Variants in CCDC148 observed in about 807,000 individuals in gnomAD.
CCDC148 encodes coiled-coil domain-containing protein 148.
Under a neutral mutation model 85.7 loss-of-function variants are expected in CCDC148, and 89 were observed. The observed-to-expected ratio is 1.04, with a 90% CI of 0.87 to 1.24. The LOEUF is 1.24. CCDC148 is among the 50% of genes most tolerant of loss of function. CCDC148 has a pLI of 0.00. For missense variants in CCDC148, 692 were observed against 671.7 expected (o/e 1.03, Z -0.33); for synonymous variants, 230 against 213.9 (o/e 1.08, Z -0.66).
intron 9 of CCDC148, among the ~76,000 whole-genome samples, chr2:158,255,659 T>C (rs1422154129): frequency 6.6e-6 from 1 of 151,674 alleles, no homozygotes; most frequent in African/African-American, 2.4e-5. Context: ...AAAGGAAGAA[T>C]AGCACAGAAG....
chr2:158,331,004 T>A (rs536615056), intron 7 of CCDC148, among the ~76,000 whole-genome samples: 2 of 152,286 alleles, frequency 1.3e-5, no homozygotes, highest in East Asian at 3.9e-4. Flanking sequence ...CTGTCTCTAT[T>A]TCCTTCAGTT....
intron 1 of CCDC148, among the ~76,000 whole-genome samples, chr2:158,448,345 ATTTT>A (rs145406168): frequency 1.4e-5 from 2 of 147,750 alleles, no homozygotes; most frequent in South Asian, 4.3e-4. Context: ...TTTCCATTTT[ATTTT>A]TTTTTTATTT....
In CCDC148 at chr2:158,340,785, T is replaced by C. The variant is rs112389708; in HGVS notation, c.252-105A>G. ...TAGTCTAATATGGCTTTGTCATCTG[T>C]TCATTTAAACCATGTACTAAATTCC... On this transcript the variant is annotated intron_variant, in intron 3 of 13. Coordinates refer to ENST00000283233, the MANE Select transcript of CCDC148 (RefSeq NM_138803.4). 734 of 687,892 alleles carry C rather than the reference T, an allele frequency of 1.1e-3. 3 individuals are homozygous for C. The African/African-American group carries it at 0.012, about 11-fold the overall frequency. The allele number at this position is 687,892 out of a possible 1,614,324, so 42.6% of individuals were successfully genotyped here.
intron 13 of CCDC148, among the ~76,000 whole-genome samples, chr2:158,175,617 T>C (rs745726925): frequency 2.0e-5 from 3 of 152,190 alleles, no homozygotes; most frequent in African/African-American, 7.2e-5. Flanking sequence ...CTTGCTCTGA[T>C]GTAGCCCAGG....
At chr2:158,245,448 C>A (rs142272315) in intron 10 of CCDC148, among the ~76,000 whole-genome samples, 3 of 152,276 alleles carry the variant, frequency 2.0e-5, no homozygotes, top group Non-Finnish European at 4.4e-5. Context: ...AAAATGCTCC[C>A]CACTCCTCAA....
intron 1 of CCDC148, among the ~76,000 whole-genome samples, chr2:158,382,280 A>G (rs1157857524): frequency 6.6e-6 from 1 of 152,160 alleles, no homozygotes; most frequent in Non-Finnish European, 1.5e-5. Context: ...ATGGACTAAC[A>G]CACCAGATGT....
At chr2:158,288,775 C>T (rs923263020) in intron 9 of CCDC148, 17 of 405,422 alleles carry the variant, frequency 4.2e-5, no homozygotes, top group Non-Finnish European at 8.2e-5. Flanking sequence ...ACACTTCACT[C>T]TACTGGTACC....
chr2:158,288,965 G>T, intron 9 of CCDC148: 1 of 247,212 alleles, frequency 4.0e-6, no homozygotes, highest in Non-Finnish European at 8.0e-6. Flanking sequence ...GGAAGCAAAA[G>T]CGGAAACCCC....
At chr2:158,192,725 CA>C (rs1397653177) in intron 11 of CCDC148, among the ~76,000 whole-genome samples, 6 of 151,894 alleles carry the variant, frequency 4.0e-5, no homozygotes, top group Non-Finnish European at 2.9e-5. Flanking sequence ...GGGGCCTAAC[CA>C]TGACCCCAAA....
chr2:158,302,986 G>A (rs759846748), intron 9 of CCDC148, among the ~76,000 whole-genome samples: 1 of 152,050 alleles, frequency 6.6e-6, no homozygotes, highest in African/African-American at 2.4e-5. Context: ...ATCCTCTGGT[G>A]AGAGGCCTAA....
intron 7 of CCDC148, among the ~76,000 whole-genome samples, chr2:158,319,462 A>G (rs1692426907): frequency 6.6e-6 from 1 of 152,216 alleles, no homozygotes; most frequent in South Asian, 2.1e-4. Flanking sequence ...AGTCACAAAG[A>G]AAGAAGGAAG....
chr2:158,257,678 T>C (rs1689065522), intron 9 of CCDC148, among the ~76,000 whole-genome samples: 2 of 151,854 alleles, frequency 1.3e-5, no homozygotes, highest in South Asian at 4.1e-4. Flanking sequence ...CTGCTTTTCA[T>C]TTTCTGTGGC....
At chr2:158,412,833 TTATTA>T (rs1559128136) in intron 1 of CCDC148, among the ~76,000 whole-genome samples, 2 of 19,868 alleles carry the variant, frequency 1.0e-4, no homozygotes, top group East Asian at 1.9e-3. Context: ...GTATTTATTA[TTATTA>T]TTATTATTAT....
intron 7 of CCDC148, among the ~76,000 whole-genome samples, chr2:158,327,173 A>T (rs1692820544): frequency 6.6e-6 from 1 of 152,136 alleles, no homozygotes; most frequent in East Asian, 1.9e-4. Flanking sequence ...TGAGATTTAG[A>T]GGCTGTCAGG....
intron 1 of CCDC148, among the ~76,000 whole-genome samples, chr2:158,407,426 A>G (rs1686073915): frequency 6.6e-6 from 1 of 152,132 alleles, no homozygotes; most frequent in Admixed American, 6.6e-5. Context: ...TATTCCACCA[A>G]TAAACTGTCA....
chr2:158,173,399 T>C (rs1168069187), intron 13 of CCDC148, among the ~76,000 whole-genome samples: 3 of 152,022 alleles, frequency 2.0e-5, no homozygotes, highest in Admixed American at 2.0e-4. Flanking sequence ...CTAGGGTATG[T>C]TTGTTTCTAG....
chr2:158,425,036 A>T, intron 1 of CCDC148: 1 of 432,012 alleles, frequency 2.3e-6, no homozygotes, highest in South Asian at 1.7e-5. Context: ...CAACCAGTGA[A>T]TGAGGGGGCC....
At position 158,309,154 on chromosome 2, in the gene CCDC148, C is replaced by G. The variant is rs374990131; in HGVS notation, c.1110+279G>C. 8.5e-5 allele frequency among the ~76,000 whole-genome samples: 13 copies of G among 152,308 alleles called. 2 individuals are homozygous for G. Among genetic ancestry groups the G allele is most frequent in the Admixed American group, 6.5e-4 (10 of 15,300 alleles). ...TTGCATTTTTGTCTAGCACCTCAGT[C>G]TGATGTGCACATCTATGGTTGGTAT... On this transcript the variant is annotated intron_variant, in intron 9 of 13. Coordinates refer to ENST00000283233, the MANE Select transcript of CCDC148 (RefSeq NM_138803.4).
At chr2:158,366,185 TA>T in intron 1 of CCDC148, 1 of 695,782 alleles carries the variant, frequency 1.4e-6, no homozygotes, top group East Asian at 3.1e-5. Context: ...CTGGGTGCCA[TA>T]ATGCTTTTAA....
Sources: allele counts gnomAD v4.1 joint callset (sites outside exome capture counted in the v4.1 genomes callset), GRCh38; gene constraint gnomAD v4.1.1; transcripts MANE v1.5; gene names NCBI Gene and HGNC (gene_info 2026-07-23, HGNC 2026-07-21).